Variants in RAMP1 observed in about 807,000 individuals in gnomAD.
RAMP1 encodes receptor activity-modifying protein 1.
Under a neutral mutation model 8.2 loss-of-function variants are expected in RAMP1, and 7 were observed. That is an observed-to-expected ratio of 0.85 (90% CI 0.49 to 1.60). The LOEUF (loss-of-function observed/expected upper bound fraction) is 1.60. Among genes scored for constraint, RAMP1 ranks in the 40% most tolerant of loss-of-function variants. The pLI is 0.00. For synonymous variants in RAMP1, 92 were observed against 84.7 expected (o/e 1.09, Z -0.47); for missense variants, 192 against 202.4 (o/e 0.95, Z 0.31).
At chr2:237,910,085 C>T (rs1408372107) in intron 2 of RAMP1, among the ~76,000 whole-genome samples, 1 of 152,126 alleles carries the variant, frequency 6.6e-6, no homozygotes, top group Non-Finnish European at 1.5e-5. Context: ...GCAGCCGTGG[C>T]AGGATAGGGT....
chr2:237,880,714 A>G (rs2062360120), intron 2 of RAMP1, among the ~76,000 whole-genome samples: 1 of 152,220 alleles, frequency 6.6e-6, no homozygotes, highest in Non-Finnish European at 1.5e-5. Flanking sequence ...TTCTTGAGGC[A>G]GAATTTCCGA....
chr2:237,907,900 A>G (rs968857601), intron 2 of RAMP1, among the ~76,000 whole-genome samples: 1 of 152,256 alleles, frequency 6.6e-6, no homozygotes. Context: ...CATGTATAGA[A>G]CAGAGGTGAC....
At chr2:237,887,281 G>A (rs543416407) in intron 2 of RAMP1, among the ~76,000 whole-genome samples, 4 of 152,180 alleles carry the variant, frequency 2.6e-5, no homozygotes, top group Non-Finnish European at 4.4e-5. Context: ...CACTCAGATG[G>A]TAGACATCTC....
chr2:237,911,754 C>T lies in RAMP1; in HGVS notation c.418C>T (p.Gln140Ter). 1 of 1,611,554 alleles carries T rather than the reference C, an allele frequency of 6.2e-7. No homozygotes were observed. The highest frequency in any genetic ancestry group is 1.1e-5 in the South Asian group (1 of 90,560). ...GCTGGTGACGGCACTGGTGGTCTGG[C>T]AGAGCAAGCGCACTGAGGGCATTGT... ...TLLVTALVVWQSKRTEGIV is the reference protein window; with the variant it reads ...TLLVTALVVW Residue 140 changes from glutamine to a stop codon, truncating the protein, a stop_gained, in exon 3 of 3, where the codon CAG (glutamine) becomes TAG (stop). Transcript: ENST00000254661. LOFTEE classifies it high-confidence loss of function.
chr2:237,876,671 G>A (rs2062308516), intron 1 of RAMP1, among the ~76,000 whole-genome samples: 1 of 151,978 alleles, frequency 6.6e-6, no homozygotes, highest in African/African-American at 2.4e-5. Context: ...CCAGCCAGCA[G>A]TGAGCTACGG....
At chr2:237,859,607 G>C, upstream of RAMP1, 1 of 1,165,108 alleles carries the variant, frequency 8.6e-7, no homozygotes, top group Non-Finnish European at 1.1e-6. Context: ...CTCCGGGCCC[G>C]CGCCGCGGCG....
At chr2:237,860,050 C>A in intron 1 of RAMP1, 1 of 227,794 alleles carries the variant, frequency 4.4e-6, no homozygotes. Flanking sequence ...GAAGGAAAAA[C>A]AGGACGCGGG....
intron 2 of RAMP1, among the ~76,000 whole-genome samples, chr2:237,902,473 T>C (rs1278293681): frequency 1.5e-5 from 2 of 135,822 alleles, no homozygotes; most frequent in African/African-American, 5.6e-5. Flanking sequence ...GCAGAGGGGG[T>C]GGGGGGAACA....
chr2:237,875,660 G>A (rs555821566), intron 1 of RAMP1, among the ~76,000 whole-genome samples: 11 of 152,246 alleles, frequency 7.2e-5, no homozygotes, highest in African/African-American at 2.6e-4. Flanking sequence ...CAACACACCT[G>A]GCTCTTTGGG....
chr2:237,876,288 G>A (rs1037792340), intron 1 of RAMP1, among the ~76,000 whole-genome samples: 11 of 152,212 alleles, frequency 7.2e-5, no homozygotes, highest in African/African-American at 2.4e-4. Flanking sequence ...GCTGCAAGGG[G>A]CAACTTGATG....
chr2:237,860,172 A>T (rs1174434385), intron 1 of RAMP1, among the ~76,000 whole-genome samples: 1 of 152,252 alleles, frequency 6.6e-6, no homozygotes, highest in Non-Finnish European at 1.5e-5. Context: ...GGCACCTTGC[A>T]GAAGACGCAG....
At chr2:237,872,735 G>C (rs2062259455) in intron 1 of RAMP1, among the ~76,000 whole-genome samples, 1 of 152,218 alleles carries the variant, frequency 6.6e-6, no homozygotes, top group African/African-American at 2.4e-5. Context: ...GGATTAAATA[G>C]GCTAATGGTG....
chr2:237,907,316 T>G (rs1488255637), intron 2 of RAMP1, among the ~76,000 whole-genome samples: 5 of 152,252 alleles, frequency 3.3e-5, no homozygotes, highest in African/African-American at 1.2e-4. Context: ...CTGCTTGAGG[T>G]TCTCCAAGCT....
At chr2:237,891,184 C>G (rs1343890625) in intron 2 of RAMP1, among the ~76,000 whole-genome samples, 1 of 84,782 alleles carries the variant, frequency 1.2e-5, no homozygotes, top group Non-Finnish European at 2.3e-5. Flanking sequence ...GAGTCTCACT[C>G]TGTCACCCAG....
In RAMP1 at chr2:237,859,797, GGGGAGCGGGT is replaced by G. The variant is rs200903832; in HGVS notation, c.52+94_52+103del. ...AGCCGGTGTCCTCTAGGGGAGAGGA[GGGGAGCGGGT>G]GGGAGCGGGTGGGAGCGGGTGGGGG... On this transcript the variant is annotated intron_variant, in intron 1 of 2. Coordinates refer to ENST00000254661, the MANE Select transcript of RAMP1 (RefSeq NM_005855.4). The G allele has an allele frequency of 0.011, 15,106 of 1,364,320 alleles. 1,114 individuals carry two copies. The East Asian group carries it at 0.21, about 19-fold the overall frequency. 84.5% of individuals were successfully genotyped at this position (1,364,320 alleles called of 1,614,324 possible). A position where few individuals can be genotyped will look rare whatever the true frequency, so the allele number is the denominator to read the frequency against.
chr2:237,876,447 C>T (rs1400558557), intron 1 of RAMP1, among the ~76,000 whole-genome samples: 2 of 152,158 alleles, frequency 1.3e-5, no homozygotes, highest in African/African-American at 4.8e-5. Context: ...CTGGGGGTCC[C>T]CCCTGGGCAG....
intron 1 of RAMP1, among the ~76,000 whole-genome samples, chr2:237,860,566 C>T (rs894273701): frequency 1.3e-5 from 2 of 152,182 alleles, no homozygotes; most frequent in African/African-American, 2.4e-5. Flanking sequence ...CCTTCTAAAC[C>T]GCTTTGGCTA....
upstream of RAMP1, chr2:237,859,186 C>G (rs1053204372): frequency 6.6e-6 from 1 of 152,272 alleles, no homozygotes; most frequent in African/African-American, 2.4e-5. Context: ...GCGAGTTTTG[C>G]CCCCCACGCT....
chr2:237,895,888 C>T (rs1208831054), intron 2 of RAMP1, among the ~76,000 whole-genome samples: 1 of 152,170 alleles, frequency 6.6e-6, no homozygotes, highest in African/African-American at 2.4e-5. Context: ...ACATGTCACA[C>T]CCATGTCCCC....
Sources: allele counts gnomAD v4.1 joint callset (sites outside exome capture counted in the v4.1 genomes callset), GRCh38; gene constraint gnomAD v4.1.1; transcripts MANE v1.5; gene names NCBI Gene and HGNC (gene_info 2026-07-23, HGNC 2026-07-21).